Variants in FCRL2 observed in about 807,000 individuals in gnomAD.
FCRL2 encodes the protein Fc receptor like 2.
In FCRL2, 48 loss-of-function variants were observed where a neutral mutation model predicts 59.8. The ratio of observed to expected loss-of-function variants is 0.80; its 90% CI spans 0.64 to 1.02. FCRL2 has a LOEUF of 1.02. FCRL2 is among the 50% of genes least tolerant of loss of function. The pLI, the probability that FCRL2 is intolerant of heterozygous loss-of-function variation, is 0.00. For synonymous variants in FCRL2, 251 were observed against 229.5 expected (o/e 1.09, Z -0.85); for missense variants, 658 against 597.3 (o/e 1.10, Z -1.06).
rs1419042164 is a variant in FCRL2 at position 157,767,450 on chromosome 1, C to T, written c.943G>A (p.Asp315Asn). The T allele has an allele frequency of 2.5e-6, 4 of 1,614,194 alleles. No individual in the cohort carries two copies. Among genetic ancestry groups the T allele is most frequent in the Non-Finnish European group, 3.4e-6 (4 of 1,180,028 alleles). The change falls in exon 6 of 12, where the codon GAC becomes AAC. Residue 315 changes from aspartate to asparagine, a missense_variant. By Grantham distance (23) the Asp-to-Asn change is conservative. Coordinates refer to ENST00000361516, the MANE Select transcript of FCRL2 (RefSeq NM_030764.4). ...RSPGAQAAVGDLLELHCEALR... is the reference protein window; with the variant it reads ...RSPGAQAAVGNLLELHCEALR... ...GCCTCACAGTGAAGCTCCAGCAGGT[C>T]CCCCACTGCAGCCTGGGCCCCAGGA...
Position 157,745,782 on chromosome 1 carries a change from G to C in FCRL2, c.*954C>G, listed in dbSNP as rs1647699631. On this transcript the variant is annotated 3_prime_UTR_variant, in exon 12 of 12. Transcript: ENST00000361516. Reference sequence around the variant, plus strand: ...ATATACTTACAAAAGTAATATCATAGTTTATTGCAAATACTCATATTTACT... The same window carrying C: ...ATATACTTACAAAAGTAATATCATACTTTATTGCAAATACTCATATTTACT... The C allele has an allele frequency of 6.6e-6, 1 of 152,100 alleles. No homozygotes were observed. Among genetic ancestry groups the C allele is most frequent in the Non-Finnish European group, 1.5e-5 (1 of 68,020 alleles). 9.4% of individuals were successfully genotyped at this position (152,100 alleles called of 1,614,324 possible). A position where few individuals can be genotyped will look rare whatever the true frequency, so the allele number is the denominator to read the frequency against.
intron 7 of FCRL2, among the ~76,000 whole-genome samples, chr1:157,755,450 C>A (rs1648514743): frequency 6.6e-6 from 1 of 151,984 alleles, no homozygotes. Flanking sequence ...CTATGAGTAA[C>A]CCTTGACAAT....
intron 7 of FCRL2, among the ~76,000 whole-genome samples, chr1:157,765,009 C>G (rs1022944131): frequency 6.6e-6 from 1 of 151,944 alleles, no homozygotes; most frequent in African/African-American, 2.4e-5. Flanking sequence ...AAAAAAAATA[C>G]AAAGGATCAA....
chr1:157,753,529 G>A (rs1648357252), intron 7 of FCRL2, among the ~76,000 whole-genome samples: 1 of 152,206 alleles, frequency 6.6e-6, no homozygotes, highest in African/African-American at 2.4e-5. Flanking sequence ...GAACACTGGA[G>A]TTTCTGTTCC....
At chr1:157,760,901 C>T (rs1258627409) in intron 7 of FCRL2, among the ~76,000 whole-genome samples, 1 of 152,090 alleles carries the variant, frequency 6.6e-6, no homozygotes, top group Non-Finnish European at 1.5e-5. Flanking sequence ...GCAAGACAAC[C>T]AATTTACCTA....
intron 7 of FCRL2, among the ~76,000 whole-genome samples, chr1:157,754,168 G>T (rs975654462): frequency 1.3e-5 from 2 of 152,070 alleles, no homozygotes; most frequent in Non-Finnish European, 2.9e-5. Flanking sequence ...AGACAGTTAG[G>T]CATTCTAAGT....
At chr1:157,758,700 A>AT (rs1648789969) in intron 7 of FCRL2, among the ~76,000 whole-genome samples, 1 of 151,484 alleles carries the variant, frequency 6.6e-6, no homozygotes, top group Non-Finnish European at 1.5e-5. Context: ...AAAAAAAAAA[A>AT]AACAAAGCTG....
chr1:157,755,717 T>C (rs1296608801), intron 7 of FCRL2, among the ~76,000 whole-genome samples: 1 of 152,236 alleles, frequency 6.6e-6, no homozygotes, highest in African/African-American at 2.4e-5. Context: ...TACATATTTA[T>C]ATCAAACAGT....
intron 7 of FCRL2, among the ~76,000 whole-genome samples, chr1:157,753,477 C>G (rs1420503161): frequency 3.3e-5 from 5 of 152,110 alleles, no homozygotes; most frequent in African/African-American, 7.2e-5. Flanking sequence ...AATATACAAC[C>G]AAATGAAAAA....
chr1:157,746,739 T>C lies in FCRL2; in HGVS notation c.1524A>G (p.Ser508=), dbSNP rs760116923. Reference sequence around the variant, plus strand: ...TCCCTTCTGATTCCTCCAAGTGTTATGATTTCTTCACAGAAGAGTAGATGA... The same window carrying C: ...TCCCTTCTGATTCCTCCAAGTGTTACGATTTCTTCACAGAAGAGTAGATGA... ...SQVIYSSVKK[S] The change falls in exon 12 of 12, where the codon TCA becomes TCG. Residue 508 remains serine (S), a synonymous_variant. Transcript: ENST00000361516. 4 of 1,613,662 alleles carry C rather than the reference T, an allele frequency of 2.5e-6. No individual in the cohort carries two copies. The highest frequency in any genetic ancestry group is 3.4e-6 in the Non-Finnish European group (4 of 1,179,688).
chr1:157,755,227 TA>T (rs1571259018), intron 7 of FCRL2, among the ~76,000 whole-genome samples: 1 of 151,988 alleles, frequency 6.6e-6, no homozygotes, highest in East Asian at 1.9e-4. Flanking sequence ...TACAAATCAC[TA>T]AGAATGAGAT....
intron 7 of FCRL2, chr1:157,766,641 C>T (rs12064217): frequency 6.6e-6 from 4 of 610,542 alleles, no homozygotes; most frequent in South Asian, 7.2e-5. Context: ...ATTTAATCTC[C>T]AGTGACTATG....
chr1:157,774,389 G>C (rs1307579396), intron 2 of FCRL2: 1 of 455,068 alleles, frequency 2.2e-6, no homozygotes. Flanking sequence ...ATTTCAATTT[G>C]GTCTTTCTGG....
chr1:157,766,705 G>T, intron 7 of FCRL2, 150 bp downstream of exon 7: 1 of 1,313,620 alleles, frequency 7.6e-7, no homozygotes, highest in Non-Finnish European at 1.0e-6. Context: ...ATTGAGCATT[G>T]CACAGAGCCT....
chr1:157,775,682 A>G, intron 2 of FCRL2, 93 bp downstream of exon 2: 4 of 1,416,496 alleles, frequency 2.8e-6, no homozygotes, highest in Non-Finnish European at 4.0e-6. Context: ...GGACATCTTC[A>G]CAGGCTTTCC....
At chr1:157,757,872 G>A (rs1446862582) in intron 7 of FCRL2, among the ~76,000 whole-genome samples, 1 of 152,122 alleles carries the variant, frequency 6.6e-6, no homozygotes, top group African/African-American at 2.4e-5. Context: ...TGAGGCAGGA[G>A]AATGGCGTGA....
intron 2 of FCRL2, among the ~76,000 whole-genome samples, chr1:157,773,679 C>T (rs543006632): frequency 7.2e-5 from 11 of 152,150 alleles, no homozygotes; most frequent in Non-Finnish European, 1.5e-4. Flanking sequence ...AAGGCCTCAG[C>T]AGAAGTGTGC....
chr1:157,766,661 CA>C (rs1649518785), intron 7 of FCRL2, 193 bp downstream of exon 7: 2 of 762,848 alleles, frequency 2.6e-6, no homozygotes, highest in Non-Finnish European at 4.1e-6. Context: ...GCACAGGGAA[CA>C]GTGACATATT....
intron 6 of FCRL2, 113 bp from the exon 7 acceptor site, chr1:157,767,084 G>A: frequency 7.7e-7 from 1 of 1,299,400 alleles, no homozygotes; most frequent in Non-Finnish European, 1.1e-6. Flanking sequence ...TTGAAGTGTA[G>A]TCTGTACTCT....
Sources: allele counts gnomAD v4.1 joint callset (sites outside exome capture counted in the v4.1 genomes callset), GRCh38; gene constraint gnomAD v4.1.1; transcripts MANE v1.5; gene names NCBI Gene and HGNC (gene_info 2026-07-23, HGNC 2026-07-21).